The following PCDH15 variants were observed in gnomAD, a reference collection of about 807,000 sequenced individuals.
PCDH15 encodes protocadherin-15.
A neutral mutation model predicts 178.5 loss-of-function variants in PCDH15; 129 were observed. The ratio of observed to expected loss-of-function variants is 0.72; its 90% CI spans 0.63 to 0.84. The LOEUF is 0.84. PCDH15 is among the 40% of genes least tolerant of loss of function. The pLI is 0.00. For missense variants in PCDH15, 2,230 were observed against 2,099.9 expected (o/e 1.06, Z -1.21); for synonymous variants, 800 against 732.0 (o/e 1.09, Z -1.50).
intron 1 of PCDH15, among the ~76,000 whole-genome samples, chr10:54,756,940 G>A (rs1324829539): frequency 2.6e-5 from 4 of 152,164 alleles, no homozygotes; most frequent in Non-Finnish European, 1.5e-5. Context: ...GTGTCTTAAC[G>A]TGATTAGTAT....
chr10:54,702,033 T>C lies in PCDH15; in HGVS notation c.-28-37743A>G, dbSNP rs540125298. ...TCTCATCTGTACATGACACATACTA[T>C]ATAATCAACCACACAATCACCCATA... On this transcript the variant is annotated intron_variant, in intron 1 of 37. Transcript: ENST00000644397. Among the ~76,000 whole-genome samples, 4 of 152,184 alleles carry C rather than the reference T, an allele frequency of 2.6e-5. No homozygotes were observed. The South Asian group carries it at 8.3e-4, about 32-fold the overall frequency.
intron 2 of PCDH15, among the ~76,000 whole-genome samples, chr10:55,095,241 C>A (rs1842421427): frequency 6.6e-6 from 1 of 151,882 alleles, no homozygotes; most frequent in African/African-American, 2.4e-5. Context: ...CACATCTGGC[C>A]ACTGTGGCCA....
intron 2 of PCDH15, among the ~76,000 whole-genome samples, chr10:54,583,041 C>T (rs532877071): frequency 3.3e-5 from 5 of 151,660 alleles, no homozygotes; most frequent in African/African-American, 9.7e-5. Context: ...GCTTTTTGAT[C>T]AGGAAAAAAA....
chr10:55,487,719 A>G (rs1170259307), intron 2 of PCDH15, among the ~76,000 whole-genome samples: 1 of 151,644 alleles, frequency 6.6e-6, no homozygotes, highest in Non-Finnish European at 1.5e-5. Context: ...AGATTTTCCT[A>G]TAAATCACCA....
At chr10:55,246,360 A>T (rs558783823) in intron 1 of PCDH15, among the ~76,000 whole-genome samples, 24 of 152,312 alleles carry the variant, frequency 1.6e-4, no homozygotes, top group African/African-American at 5.5e-4. Flanking sequence ...TATTGAGAAT[A>T]AATACACGTT....
chr10:55,107,369 T>G (rs1158868594), intron 2 of PCDH15, among the ~76,000 whole-genome samples: 1 of 152,204 alleles, frequency 6.6e-6, no homozygotes, highest in Non-Finnish European at 1.5e-5. Context: ...CAAGACACTT[T>G]TATTAGGTCA....
chr10:53,945,880 T>C (rs1282235201), intron 23 of PCDH15, among the ~76,000 whole-genome samples: 2 of 135,336 alleles, frequency 1.5e-5, no homozygotes, highest in African/African-American at 5.5e-5. Flanking sequence ...TATATATATA[T>C]ATCACATTTT....
chr10:54,763,545 T>A (rs1446029600), intron 1 of PCDH15, among the ~76,000 whole-genome samples: 2 of 152,066 alleles, frequency 1.3e-5, no homozygotes, highest in African/African-American at 4.8e-5. Flanking sequence ...TAGAGTTCAA[T>A]AGCACACTCT....
chr10:54,793,911 C>CA (rs1564466538), intron 1 of PCDH15, among the ~76,000 whole-genome samples: 1 of 145,148 alleles, frequency 6.9e-6, no homozygotes, highest in African/African-American at 2.5e-5. Flanking sequence ...AGAAACATCA[C>CA]AAAAAAGGGT....
chr10:54,664,832 CACTACATCT>C (rs1565889670), intron 1 of PCDH15, among the ~76,000 whole-genome samples: 1 of 150,688 alleles, frequency 6.6e-6, no homozygotes, highest in Non-Finnish European at 1.5e-5. Flanking sequence ...TGTCAATTTT[CACTACATCT>C]GCTTTATGAA....
intron 2 of PCDH15, among the ~76,000 whole-genome samples, chr10:55,568,105 A>G (rs1842338999): frequency 6.6e-6 from 1 of 152,010 alleles, no homozygotes; most frequent in Non-Finnish European, 1.5e-5. Context: ...TGTATTTTAT[A>G]CCCATGTTGT....
At chr10:54,657,236 C>T (rs951552177) in intron 2 of PCDH15, among the ~76,000 whole-genome samples, 3 of 152,108 alleles carry the variant, frequency 2.0e-5, no homozygotes, top group African/African-American at 7.2e-5. Flanking sequence ...AATGCAACAG[C>T]GGCATGATAG....
At chr10:53,913,052 C>T in intron 25 of PCDH15, among the ~76,000 whole-genome samples, 1 of 152,164 alleles carries the variant, frequency 6.6e-6, no homozygotes, top group Non-Finnish European at 1.5e-5. Context: ...TACTACAAGG[C>T]TACAGTAACC....
chr10:54,864,465 A>G (rs1206439326), intron 3 of PCDH15, among the ~76,000 whole-genome samples: 1 of 152,206 alleles, frequency 6.6e-6, no homozygotes, highest in East Asian at 1.9e-4. Context: ...TGGAGATGCT[A>G]CAGAAAAATA....
At chr10:55,188,884 T>A (rs973635689) in intron 1 of PCDH15, among the ~76,000 whole-genome samples, 4 of 151,850 alleles carry the variant, frequency 2.6e-5, no homozygotes, top group African/African-American at 9.7e-5. Flanking sequence ...AACTTTTAAT[T>A]TGGCCCAAAT....
At chr10:55,049,716 A>ATAATT (rs1213388933) in intron 2 of PCDH15, among the ~76,000 whole-genome samples, 1 of 152,008 alleles carries the variant, frequency 6.6e-6, no homozygotes, top group African/African-American at 2.4e-5. Context: ...CAGTGTTTTC[A>ATAATT]TAATTTAAAA....
At chr10:54,206,303 C>G (rs1425336444) in intron 10 of PCDH15, among the ~76,000 whole-genome samples, 1 of 152,054 alleles carries the variant, frequency 6.6e-6, no homozygotes, top group Middle Eastern at 3.2e-3. Flanking sequence ...ACCACAGATT[C>G]TGAAAACTCT....
At chr10:53,979,092 C>A (rs1257491617) in intron 21 of PCDH15, among the ~76,000 whole-genome samples, 1 of 152,160 alleles carries the variant, frequency 6.6e-6, no homozygotes, top group African/African-American at 2.4e-5. Flanking sequence ...CAGTGCCACT[C>A]TACCTGGTAT....
At chr10:54,787,394 CT>C (rs1950986772) in intron 1 of PCDH15, among the ~76,000 whole-genome samples, 1 of 151,826 alleles carries the variant, frequency 6.6e-6, no homozygotes, top group African/African-American at 2.4e-5. Context: ...TTGAACTTGA[CT>C]TTTTAGAAAA....
Sources: allele counts gnomAD v4.1 joint callset (sites outside exome capture counted in the v4.1 genomes callset), GRCh38; gene constraint gnomAD v4.1.1; transcripts MANE v1.5; gene names NCBI Gene and HGNC (gene_info 2026-07-23, HGNC 2026-07-21).